Variants in OTOP2 observed in about 807,000 individuals in gnomAD.
OTOP2 encodes proton channel OTOP2.
A neutral mutation model predicts 47.4 loss-of-function variants in OTOP2; 41 were observed. That is an observed-to-expected ratio of 0.87 (90% CI 0.67 to 1.12). OTOP2 has a LOEUF of 1.12. Ranked by LOEUF, OTOP2 falls within the 50% of genes most tolerant of loss-of-function variation. The pLI is 0.00. For synonymous variants in OTOP2, 328 were observed against 319.6 expected, an observed-to-expected ratio of 1.03 and a Z score of -0.28; for missense variants, 721 against 752.2, an observed-to-expected ratio of 0.96 and a Z score of 0.49.
chr17:74,928,277 C>G (rs1031985697), intron 5 of OTOP2, among the ~76,000 whole-genome samples: 4 of 151,758 alleles, frequency 2.6e-5, no homozygotes, highest in Admixed American at 1.3e-4. Flanking sequence ...CCTGGGAGGT[C>G]GAGACTGCAG....
Position 74,930,958 on chromosome 17 carries a change from G to T in OTOP2, c.1323G>T (p.Glu441Asp), listed in dbSNP as rs199752208. The change falls in exon 6 of 7, where the codon GAG (glutamate) becomes GAT (aspartate). Residue 441 changes from glutamate to aspartate, a missense_variant. Glu to Asp is a conservative substitution (Grantham distance 45, BLOSUM62 2). Transcript: ENST00000331427. This position sits in a 1 kb window ranked among gnomAD's most constrained non-coding sequence, Gnocchi z 4.0. The part of the protein sequence containing the change: ...GAEPHSTHPK[E>D]PCQDLTFTNL... ...AGCCTCACAGTACCCACCCCAAGGA[G>T]CCCTGCCAAGACCTCACCTTCACCA... The T allele has an allele frequency of 6.2e-7, 1 of 1,613,934 alleles. No homozygotes were observed. The highest frequency in any genetic ancestry group is 2.2e-5 in the East Asian group (1 of 44,890).
intron 3 of OTOP2, among the ~76,000 whole-genome samples, chr17:74,926,455 T>A (rs2039009037): frequency 6.6e-6 from 1 of 151,718 alleles, no homozygotes; most frequent in African/African-American, 2.4e-5. Flanking sequence ...CCTGGTACGG[T>A]GACAGAGGAA....
At chr17:74,931,226 C>A (rs750742592) in intron 6 of OTOP2, 73 bp downstream of exon 6, 1 of 1,509,214 alleles carries the variant, frequency 6.6e-7, no homozygotes, top group Admixed American at 2.2e-5. Flanking sequence ...AGGCTTAAGC[C>A]CTTAGCCTTC....
Position 74,933,292 on chromosome 17 carries a change from A to G in OTOP2, c.1519-83A>G. On this transcript the variant is annotated intron_variant, in intron 6 of 6. Transcript: ENST00000331427. The surrounding 1 kb of genome is among the most constrained non-coding windows in gnomAD (Gnocchi z 4.7). Reference sequence around the variant, plus strand: ...AAGCTAGAAGGATGGGCCGCCATCTAGCCACGGCCCAGCAAAACCCACAGA... The same window carrying G: ...AAGCTAGAAGGATGGGCCGCCATCTGGCCACGGCCCAGCAAAACCCACAGA... 6.7e-7 allele frequency: 1 copy of G among 1,495,400 alleles called. No individual in the cohort carries two copies. The highest frequency in any genetic ancestry group is 9.1e-7 in the Non-Finnish European group (1 of 1,101,744). The allele number at this position is 1,495,400 out of a possible 1,614,324, so 92.6% of individuals were successfully genotyped here.
Position 74,930,161 on chromosome 17 carries a change from C to A in OTOP2, c.644-118C>A. The A allele has an allele frequency of 1.7e-6, 2 of 1,149,060 alleles. No homozygotes were observed. The highest frequency in any genetic ancestry group is 2.6e-5 in the Admixed American group (1 of 38,950). 71.2% of individuals were successfully genotyped at this position (1,149,060 alleles called of 1,614,324 possible). A position where few individuals can be genotyped will look rare whatever the true frequency, so the allele number is the denominator to read the frequency against. On this transcript the variant is annotated intron_variant, in intron 5 of 6. Coordinates refer to ENST00000331427, the MANE Select transcript of OTOP2 (RefSeq NM_178160.3). The surrounding 1 kb of genome is among the most constrained non-coding windows in gnomAD (Gnocchi z 4.0). ...TCACACCATTGCACTCCAGCCTGAG[C>A]ATCAAGAGTGAAACTCCGTCTCAAA...
intron 5 of OTOP2, chr17:74,928,045 C>T (rs2039025534): frequency 2.0e-6 from 1 of 492,628 alleles, no homozygotes; most frequent in African/African-American, 2.0e-5. Context: ...CTCCATCCCA[C>T]CAAGAAGGGA....
In OTOP2 at chr17:74,930,608, C is replaced by T; in HGVS notation, c.973C>T (p.Leu325=). 6.2e-7 allele frequency: 1 copy of T among 1,614,008 alleles called. No individual in the cohort carries two copies. The highest frequency in any genetic ancestry group is 2.2e-5 in the East Asian group (1 of 44,874). ...SGDGSRTRQA[L]VIYYSFNIVC... ...GGACGGGAGCCGCACCAGGCAGGCC[C>T]TGGTCATCTACTACAGCTTCAACAT... The change falls in exon 6 of 7, where the codon CTG becomes TTG. Residue 325 remains leucine, a synonymous_variant. Transcript: ENST00000331427. The surrounding 1 kb of genome is among the most constrained non-coding windows in gnomAD (Gnocchi z 4.0).
Position 74,930,801 on chromosome 17 carries a change from C to T in OTOP2, c.1166C>T (p.Ala389Val). ...QYAISYYSIV[A>V]VVAGTPQDLL... Reference sequence around the variant, plus strand: ...GCCATCTCTTACTACTCCATCGTGGCTGTGGTGGCGGGCACACCCCAGGAC... The same window carrying T: ...GCCATCTCTTACTACTCCATCGTGGTTGTGGTGGCGGGCACACCCCAGGAC... The change falls in exon 6 of 7, where the codon GCT becomes GTT. Residue 389 changes from alanine to valine, a missense_variant. Transcript: ENST00000331427. This position sits in a 1 kb window ranked among gnomAD's most constrained non-coding sequence, Gnocchi z 4.0. 1 of 1,614,184 alleles carries T rather than the reference C, an allele frequency of 6.2e-7. No individual in the cohort carries two copies. Among genetic ancestry groups the T allele is most frequent in the Non-Finnish European group, 8.5e-7 (1 of 1,180,040 alleles).
chr17:74,933,270 C>A lies in OTOP2; in HGVS notation c.1519-105C>A. The A allele has an allele frequency of 7.2e-7, 1 of 1,387,718 alleles. No homozygotes were observed. Among genetic ancestry groups the A allele is most frequent in the Non-Finnish European group, 9.9e-7 (1 of 1,013,962 alleles). The allele number at this position is 1,387,718 out of a possible 1,614,324, so 86.0% of individuals were successfully genotyped here. On this transcript the variant is annotated intron_variant, in intron 6 of 6. Coordinates refer to ENST00000331427, the MANE Select transcript of OTOP2 (RefSeq NM_178160.3). This position sits in a 1 kb window ranked among gnomAD's most constrained non-coding sequence, Gnocchi z 4.7. ...CACCCAGCCCTCCGTGTCCACCAAG[C>A]TAGAAGGATGGGCCGCCATCTAGCC...
At chr17:74,932,629 TGG>T (rs2144770079) in intron 6 of OTOP2, among the ~76,000 whole-genome samples, 1 of 152,360 alleles carries the variant, frequency 6.6e-6, no homozygotes, top group East Asian at 1.9e-4. Context: ...GGCCACCTTC[TGG>T]GAGGCTATTC....
At chr17:74,926,053 G>A (rs1243031343) in intron 3 of OTOP2, among the ~76,000 whole-genome samples, 2 of 152,242 alleles carry the variant, frequency 1.3e-5, no homozygotes, top group Non-Finnish European at 2.9e-5. Context: ...GCTCCTGCCA[G>A]CTTGGTCCCT....
In OTOP2 at chr17:74,930,579, GC is replaced by G; in HGVS notation, c.945del (p.Ser315ArgfsTer30). 1 of 1,613,964 alleles carries G rather than the reference GC, an allele frequency of 6.2e-7. No individual in the cohort carries two copies. Among genetic ancestry groups the G allele is most frequent in the East Asian group, 2.2e-5 (1 of 44,868 alleles). On this transcript the variant is annotated frameshift_variant, in exon 6 of 7. Coordinates refer to ENST00000331427, the MANE Select transcript of OTOP2 (RefSeq NM_178160.3). LOFTEE classifies it high-confidence loss of function. This position sits in a 1 kb window ranked among gnomAD's most constrained non-coding sequence, Gnocchi z 4.0. ...TTCATCATCTACGAGGTTCAAGTGAGCGGGGACGGGAGCCGCACCAGGCAGG... is the reference window on the plus strand; with the variant it reads ...TTCATCATCTACGAGGTTCAAGTGAGGGGGACGGGAGCCGCACCAGGCAGG... The part of the protein sequence containing the change: ...AVFIIYEVQV[S>X]GDGSRTRQAL...
At chr17:74,927,516 C>A in intron 4 of OTOP2, 149 bp from the exon 5 acceptor site, 2 of 1,206,940 alleles carry the variant, frequency 1.7e-6, no homozygotes, top group Non-Finnish European at 2.3e-6. Flanking sequence ...TGGTGGCATA[C>A]CAGCCAGGCT....
intron 6 of OTOP2, among the ~76,000 whole-genome samples, chr17:74,932,717 G>A (rs1399372021): frequency 6.6e-6 from 1 of 152,212 alleles, no homozygotes. Flanking sequence ...GACAGAACAG[G>A]CTTAGAGGGG....
chr17:74,933,346 G>C lies in OTOP2; in HGVS notation c.1519-29G>C. ...GACCCACAGGCATCCATCCAGGCCAGCTCCTGAAATGCTCCTCTCTCCACA... is the reference window on the plus strand; with the variant it reads ...GACCCACAGGCATCCATCCAGGCCACCTCCTGAAATGCTCCTCTCTCCACA... On this transcript the variant is annotated intron_variant, in intron 6 of 6. Transcript: ENST00000331427. The surrounding 1 kb of genome is among the most constrained non-coding windows in gnomAD (Gnocchi z 4.7). 3 of 1,579,506 alleles carry C rather than the reference G, an allele frequency of 1.9e-6. No homozygotes were observed. The highest frequency in any genetic ancestry group is 2.6e-6 in the Non-Finnish European group (3 of 1,155,132).
chr17:74,926,239 C>CA (rs1156805499), intron 3 of OTOP2, among the ~76,000 whole-genome samples: 3 of 152,312 alleles, frequency 2.0e-5, no homozygotes, highest in Admixed American at 1.3e-4. Flanking sequence ...ACCAAAATGG[C>CA]ACCATGGATG....
At position 74,924,639 on chromosome 17, in the gene OTOP2, G is replaced by A. The variant is rs774360383; in HGVS notation, c.7G>A (p.Glu3Lys). MSEELAQGPKESP... is the reference protein window; with the variant it reads MSKELAQGPKESP... The stretch of plus-strand genomic sequence containing the variant: ...TTCTCCAGTCGCCTCCGCCATGTCC[G>A]AGGAGCTGGCCCAGGGCCCCAAGGA... The change falls in exon 2 of 7, where the codon GAG becomes AAG. Residue 3 changes from glutamate (E) to lysine (K), a missense_variant. Glu to Lys is a moderately conservative substitution (Grantham distance 56). Transcript: ENST00000331427. The surrounding 1 kb of genome is among the most constrained non-coding windows in gnomAD (Gnocchi z 7.7). 1.9e-6 allele frequency: 3 copies of A among 1,573,588 alleles called. No individual in the cohort carries two copies. Among genetic ancestry groups the A allele is most frequent in the South Asian group, 2.3e-5 (2 of 86,672 alleles).
chr17:74,927,821 C>T, intron 5 of OTOP2, 23 bp downstream of exon 5: 1 of 1,611,478 alleles, frequency 6.2e-7, no homozygotes, highest in Non-Finnish European at 8.5e-7. Context: ...TTAATGCTGG[C>T]CCTGTGGCTA....
intron 3 of OTOP2, among the ~76,000 whole-genome samples, chr17:74,926,220 T>G (rs1021506897): frequency 6.6e-6 from 1 of 152,176 alleles, no homozygotes; most frequent in African/African-American, 2.4e-5. Context: ...CCCCCAGCCC[T>G]CTATCATGAC....
Sources: gnomAD v4.1 joint callset for allele counts (sites outside exome capture counted in the v4.1 genomes callset) on GRCh38, gnomAD v4.1.1 for gene constraint, Gnocchi (gnomAD v3.1) non-coding constraint, MANE v1.5 for transcripts, NCBI Gene and HGNC (gene_info 2026-07-23, HGNC 2026-07-21) for gene names.